Variants in CPNE4 observed in about 807,000 individuals in gnomAD.
CPNE4 encodes the protein copine 4, also known as copine-4.
In CPNE4, 25 loss-of-function variants were observed where a neutral mutation model predicts 67.9. The observed-to-expected ratio is 0.37, with a 90% CI of 0.27 to 0.51. The LOEUF (loss-of-function observed/expected upper bound fraction) is 0.51, where lower values mean the gene tolerates loss of function less well. CPNE4 is among the 20% of genes least tolerant of loss of function. The pLI, the probability that CPNE4 is intolerant of heterozygous loss-of-function variation, is 0.93. For missense variants in CPNE4, 464 were observed against 690.8 expected, an observed-to-expected ratio of 0.67 and a Z score of 3.68; for synonymous variants, 242 against 244.9, an observed-to-expected ratio of 0.99 and a Z score of 0.11.
chr3:131,712,175 A>T (rs930831528), intron 3 of CPNE4, among the ~76,000 whole-genome samples: 3 of 152,216 alleles, frequency 2.0e-5, no homozygotes, highest in African/African-American at 7.2e-5. Flanking sequence ...AGTTCTTTGA[A>T]GTCAGCATGC....
chr3:131,761,470 G>A (rs527743160), intron 2 of CPNE4, among the ~76,000 whole-genome samples: 1 of 152,108 alleles, frequency 6.6e-6, no homozygotes, highest in Non-Finnish European at 1.5e-5. Context: ...TTATGAAAAG[G>A]CTGGGCATGT....
chr3:131,778,669 G>A (rs868225591), intron 2 of CPNE4, among the ~76,000 whole-genome samples: 1 of 152,020 alleles, frequency 6.6e-6, no homozygotes, highest in Non-Finnish European at 1.5e-5. Flanking sequence ...AATTCCAAGG[G>A]TAGCCCAGAC....
chr3:131,999,287 G>A (rs1057037181), intron 1 of CPNE4, among the ~76,000 whole-genome samples: 1 of 136,748 alleles, frequency 7.3e-6, no homozygotes, highest in African/African-American at 2.9e-5. Flanking sequence ...ACACAAATGT[G>A]TATGAATAGC....
chr3:132,001,068 T>C (rs2073419188), intron 1 of CPNE4, among the ~76,000 whole-genome samples: 1 of 152,022 alleles, frequency 6.6e-6, no homozygotes, highest in African/African-American at 2.4e-5. Context: ...GTTGTTTTAA[T>C]GTCCAATTTT....
At chr3:131,813,262 T>C (rs1009320484) in intron 2 of CPNE4, among the ~76,000 whole-genome samples, 1 of 151,424 alleles carries the variant, frequency 6.6e-6, no homozygotes, top group Non-Finnish European at 1.5e-5. Context: ...GTAATATAAA[T>C]TGAAGTTTGT....
chr3:131,907,809 G>T lies in CPNE4; in HGVS notation c.-1-2365C>A, dbSNP rs113069822. 7.8e-3 allele frequency among the ~76,000 whole-genome samples: 1,180 copies of T among 152,196 alleles called. 9 individuals are homozygous for T. Among genetic ancestry groups the T allele is most frequent in the Non-Finnish European group, 0.013 (907 of 68,008 alleles). On this transcript the variant is annotated intron_variant, in intron 1 of 15. Coordinates refer to ENST00000429747, the MANE Select transcript of CPNE4 (RefSeq NM_130808.3). ...CCAACCTCAGTTCCCTTAGGTAAAA[G>T]GAACCTCAGTTCCCTTAGGTTAGGG...
intron 2 of CPNE4, among the ~76,000 whole-genome samples, chr3:131,783,460 G>A (rs1362263653): frequency 6.6e-6 from 1 of 152,074 alleles, no homozygotes; most frequent in Non-Finnish European, 1.5e-5. Context: ...TTTTGACTTA[G>A]GTTAAAGTAG....
chr3:131,685,094 C>A (rs1021873997), intron 6 of CPNE4, among the ~76,000 whole-genome samples: 2 of 152,102 alleles, frequency 1.3e-5, no homozygotes, highest in African/African-American at 4.8e-5. Context: ...TCAATTGAAA[C>A]CTGAGTTCCA....
In CPNE4 at chr3:131,542,546, TA is replaced by T; in HGVS notation, c.1539+10del. 6.3e-7 allele frequency: 1 copy of T among 1,586,816 alleles called. No individual in the cohort carries two copies. The highest frequency in any genetic ancestry group is 1.7e-5 in the Admixed American group (1 of 59,984). On this transcript the variant is annotated intron_variant, in intron 15 of 15. Transcript: ENST00000429747. ...CTTCCATGAAAAGTGCCCCAATGTG[TA>T]TATGCATACGTGTTTGAAGTTCCTG... is the stretch of plus-strand genomic sequence containing the variant.
intron 2 of CPNE4, among the ~76,000 whole-genome samples, chr3:131,820,188 G>A (rs190837425): frequency 3.1e-4 from 47 of 152,332 alleles, no homozygotes; most frequent in African/African-American, 1.1e-3. Flanking sequence ...TAGCATTCAG[G>A]ATATTTATTG....
At chr3:131,581,398 C>A (rs994177307) in intron 9 of CPNE4, among the ~76,000 whole-genome samples, 181 bp downstream of exon 9, 8 of 152,206 alleles carry the variant, frequency 5.3e-5, no homozygotes, top group Admixed American at 4.6e-4. Flanking sequence ...TGCGCTGCCA[C>A]AGCTCCATGA....
intron 2 of CPNE4, among the ~76,000 whole-genome samples, chr3:131,804,237 C>T (rs994320091): frequency 2.6e-5 from 4 of 151,962 alleles, no homozygotes; most frequent in African/African-American, 4.8e-5. Context: ...CTGTATATCT[C>T]GGTGGAACTC....
At chr3:131,590,416 G>A (rs1559948497) in intron 7 of CPNE4, among the ~76,000 whole-genome samples, 1 of 152,120 alleles carries the variant, frequency 6.6e-6, no homozygotes. Context: ...CTAAGTGAGG[G>A]TAGTACAGAA....
intron 9 of CPNE4, among the ~76,000 whole-genome samples, chr3:131,580,956 G>A (rs1294586595): frequency 6.6e-6 from 1 of 152,038 alleles, no homozygotes; most frequent in African/African-American, 2.4e-5. Flanking sequence ...GGCGGATCAT[G>A]AGGTCAGGAG....
chr3:131,575,098 G>A lies in CPNE4; in HGVS notation c.900C>T (p.Ile300=), dbSNP rs748349703. ...TAAACTGGATTTGGCAGCCACCCATGATGTAGTCCAAGAAAGAATGCATCT... is the reference window on the plus strand; with the variant it reads ...TAAACTGGATTTGGCAGCCACCCATAATGTAGTCCAAGAAAGAATGCATCT... ...IHKMHSFLDY[I]MGGCQIQFTV... Residue 300 remains isoleucine, a synonymous_variant, in exon 10 of 16, where the codon ATC becomes ATT. Transcript: ENST00000429747. The A allele has an allele frequency of 6.8e-6, 11 of 1,612,826 alleles. No individual in the cohort carries two copies. Among genetic ancestry groups the A allele is most frequent in the Non-Finnish European group, 8.5e-6 (10 of 1,179,108 alleles).
At chr3:131,983,075 C>T (rs1480394159) in intron 1 of CPNE4, among the ~76,000 whole-genome samples, 1 of 151,964 alleles carries the variant, frequency 6.6e-6, no homozygotes, top group African/African-American at 2.4e-5. Flanking sequence ...CTAGAAAATA[C>T]TATAAGAACA....
intron 1 of CPNE4, among the ~76,000 whole-genome samples, chr3:132,032,526 C>T (rs914106332): frequency 6.6e-6 from 1 of 152,166 alleles, no homozygotes; most frequent in Admixed American, 6.5e-5. Flanking sequence ...GAGTTTGATC[C>T]TCTAAAACCA....
chr3:131,916,662 G>A (rs2089194377), intron 1 of CPNE4, among the ~76,000 whole-genome samples: 1 of 152,188 alleles, frequency 6.6e-6, no homozygotes, highest in Admixed American at 6.6e-5. Flanking sequence ...GCATTGCCCA[G>A]TAGAAATATG....
At chr3:132,007,301 T>C (rs2073635550) in intron 1 of CPNE4, among the ~76,000 whole-genome samples, 1 of 152,132 alleles carries the variant, frequency 6.6e-6, no homozygotes, top group East Asian at 1.9e-4. Flanking sequence ...GAGACGTGAC[T>C]CAAATTATCA....
Sources: gnomAD v4.1 joint callset for allele counts (sites outside exome capture counted in the v4.1 genomes callset) on GRCh38, gnomAD v4.1.1 for gene constraint, MANE v1.5 for transcripts, NCBI Gene and HGNC (gene_info 2026-07-23, HGNC 2026-07-21) for gene names.